SLC19A1: variants seen among roughly 807,000 people sequenced by gnomAD.
SLC19A1 encodes the protein solute carrier family 19 member 1, also known as reduced folate transporter.
A neutral mutation model predicts 35.3 loss-of-function variants in SLC19A1; 37 were observed. The observed-to-expected ratio is 1.05, with a 90% CI of 0.81 to 1.38. The LOEUF (loss-of-function observed/expected upper bound fraction) is 1.38. Among genes scored for constraint, SLC19A1 ranks in the 40% most tolerant of loss-of-function variants. SLC19A1 has a pLI of 0.00. For missense variants in SLC19A1, 831 were observed against 826.9 expected (o/e 1.00, Z -0.06); for synonymous variants, 460 against 398.5 (o/e 1.15, Z -1.84).
At chr21:45,552,496 A>C (rs1048876910) in intron 1 of SLC19A1, among the ~76,000 whole-genome samples, 1 of 152,100 alleles carries the variant, frequency 6.6e-6, no homozygotes, top group African/African-American at 2.4e-5. Context: ...CCAGGCCAGG[A>C]CCGCAGCCCT....
Position 45,537,908 on chromosome 21 carries a change from GC to G in SLC19A1, c.51del (p.Pro18LeufsTer186). 1 of 1,595,222 alleles carries G rather than the reference GC, an allele frequency of 6.3e-7. No homozygotes were observed. On this transcript the variant is annotated frameshift_variant, in exon 2 of 6. Coordinates refer to ENST00000311124, the MANE Select transcript of SLC19A1 (RefSeq NM_194255.4). LOFTEE classifies it high-confidence loss of function. ...AVEKQVPVEP[G>X]PDPELRSWRH... Reference sequence around the variant, plus strand: ...CGCCAGGACCGGAGCTCGGGGTCAGGCCCAGGTTCCACGGGCACCTGCTTCT... The same window carrying G: ...CGCCAGGACCGGAGCTCGGGGTCAGGCCAGGTTCCACGGGCACCTGCTTCT...
In SLC19A1 at chr21:45,534,696, C is replaced by T; in HGVS notation, c.190-2548G>A. 3 of 1,032,418 alleles carry T rather than the reference C, an allele frequency of 2.9e-6. No homozygotes were observed. The highest frequency in any genetic ancestry group is 2.8e-5 in the South Asian group (2 of 70,832). The allele number at this position is 1,032,418 out of a possible 1,614,324, so 64.0% of individuals were successfully genotyped here. A position where few individuals can be genotyped will look rare whatever the true frequency, so the allele number is the denominator to read the frequency against. The stretch of plus-strand genomic sequence containing the variant: ...CCCTCCCGCTCCTCTCCCTGCACCT[C>T]CTCAACGGCCCCTACTCCCTCTTCC... On this transcript the variant is annotated intron_variant, in intron 2 of 5. Coordinates refer to ENST00000311124, the MANE Select transcript of SLC19A1 (RefSeq NM_194255.4). This position sits in a 1 kb window ranked among gnomAD's most constrained non-coding sequence, Gnocchi z 4.2.
chr21:45,533,992 C>T lies in SLC19A1; in HGVS notation c.190-1844G>A, dbSNP rs1461670964. On this transcript the variant is annotated intron_variant, in intron 2 of 5. Transcript: ENST00000311124. This position sits in a 1 kb window ranked among gnomAD's most constrained non-coding sequence, Gnocchi z 4.5. ...ACCTCAGGGCACCCTGAGGTCGCAC[C>T]CTGGAGCCTGCACCCTCATGGAGGC... is the stretch of plus-strand genomic sequence containing the variant. 6.6e-6 allele frequency among the ~76,000 whole-genome samples: 1 copy of T among 152,004 alleles called. No homozygotes were observed. The highest frequency in any genetic ancestry group is 1.5e-5 in the Non-Finnish European group (1 of 67,976).
At chr21:45,505,385 C>T (rs1376035451) in intron 3 of SLC19A1, 1 of 1,566,916 alleles carries the variant, frequency 6.4e-7, no homozygotes, top group African/African-American at 1.4e-5. Context: ...CCTCCGGGCC[C>T]CCCTGGGCCC....
intron 1 of SLC19A1, 37 bp from the exon 2 acceptor site, chr21:45,538,045 T>C: frequency 8.1e-7 from 1 of 1,230,294 alleles, no homozygotes; most frequent in Non-Finnish European, 1.1e-6. Flanking sequence ...CCTTGGAAGA[T>C]GGTCTGCAGG....
chr21:45,547,867 CTT>C (rs1165191016), upstream of SLC19A1, among the ~76,000 whole-genome samples: 2 of 152,194 alleles, frequency 1.3e-5, no homozygotes, highest in Non-Finnish European at 2.9e-5. Context: ...TAGTTTGACT[CTT>C]TTCATTGACA....
At chr21:45,512,414 G>T, downstream of SLC19A1, 1 of 1,609,060 alleles carries the variant, frequency 6.2e-7, no homozygotes, top group Non-Finnish European at 8.5e-7. Flanking sequence ...GCCTGGATGC[G>T]GATGGCCGGA....
At chr21:45,506,765 C>G (rs1014459986) in intron 3 of SLC19A1, 70 of 29,984 alleles carry the variant, frequency 2.3e-3, no homozygotes, top group African/African-American at 0.012. Flanking sequence ...CACCTTCCCT[C>G]TGGAACCCTC....
intron 5 of SLC19A1, among the ~76,000 whole-genome samples, chr21:45,521,496 T>C (rs2077437103): frequency 6.6e-6 from 1 of 152,210 alleles, no homozygotes; most frequent in South Asian, 2.1e-4. Flanking sequence ...AGCAGGAATT[T>C]TTGTAGATAT....
At chr21:45,555,105 C>T (rs1164770899) in intron 1 of SLC19A1, among the ~76,000 whole-genome samples, 8 of 139,592 alleles carry the variant, frequency 5.7e-5, no homozygotes, top group African/African-American at 1.9e-4. Context: ...CGCCCGGAGC[C>T]TCCGCGGGTC....
At chr21:45,558,142 G>T (rs546369860) in intron 1 of SLC19A1, among the ~76,000 whole-genome samples, 1 of 152,238 alleles carries the variant, frequency 6.6e-6, no homozygotes, top group African/African-American at 2.4e-5. Context: ...GACTGGAGGC[G>T]GCTTCTGAAA....
chr21:45,511,113 C>A, downstream of SLC19A1: 1 of 1,541,370 alleles, frequency 6.5e-7, no homozygotes, highest in South Asian at 1.2e-5. Flanking sequence ...TCTTCCAGGA[C>A]GAGCTGCTGT....
downstream of SLC19A1, chr21:45,512,432 G>A (rs768204994): frequency 6.2e-5 from 99 of 1,596,338 alleles, no homozygotes; most frequent in Admixed American, 1.2e-4. Context: ...GGAGAGGACC[G>A]GCGGCTCGGA....
At chr21:45,561,650 A>G (rs1439105703) in intron 1 of SLC19A1, among the ~76,000 whole-genome samples, 1 of 152,086 alleles carries the variant, frequency 6.6e-6, no homozygotes, top group Non-Finnish European at 1.5e-5. Flanking sequence ...AGTCCCAGCT[A>G]TTTGGGAGTT....
chr21:45,534,518 G>A lies in SLC19A1; in HGVS notation c.190-2370C>T. ...GCTCTCTGGAAAAGGGCGGCCAGGG[G>A]TCCTAGAAGCCTCACCCACCTCCGA... On this transcript the variant is annotated intron_variant, in intron 2 of 5. Transcript: ENST00000311124. This position sits in a 1 kb window ranked among gnomAD's most constrained non-coding sequence, Gnocchi z 4.2. The A allele has an allele frequency of 6.6e-7, 1 of 1,525,578 alleles. No individual in the cohort carries two copies. The highest frequency in any genetic ancestry group is 8.8e-7 in the Non-Finnish European group (1 of 1,137,668). 94.5% of individuals were successfully genotyped at this position (1,525,578 alleles called of 1,614,324 possible). A position where few individuals can be genotyped will look rare whatever the true frequency, so the allele number is the denominator to read the frequency against.
chr21:45,509,418 G>A (rs753529450), downstream of SLC19A1: 44 of 1,538,228 alleles, frequency 2.9e-5, 1 homozygote, highest in South Asian at 1.3e-4. Flanking sequence ...ACCCCTACCC[G>A]CGGCGGGAGC....
chr21:45,503,398 G>A (rs956310737), intron 3 of SLC19A1, among the ~76,000 whole-genome samples: 2 of 151,926 alleles, frequency 1.3e-5, no homozygotes, highest in African/African-American at 4.8e-5. Flanking sequence ...CATGTCCTTT[G>A]CCCACTTTTT....
intron 1 of SLC19A1, among the ~76,000 whole-genome samples, chr21:45,552,435 G>T (rs1445397680): frequency 6.7e-6 from 1 of 150,158 alleles, no homozygotes; most frequent in East Asian, 2.0e-4. Context: ...GTTGGGTCGG[G>T]GGCCCCAGGG....
At chr21:45,546,782 C>T (rs1347298323), upstream of SLC19A1, among the ~76,000 whole-genome samples, 9 of 152,224 alleles carry the variant, frequency 5.9e-5, no homozygotes, top group Non-Finnish European at 1.5e-5. Context: ...TGATAACCCT[C>T]CTGCCCACAG....
Sources: allele counts gnomAD v4.1 joint callset (sites outside exome capture counted in the v4.1 genomes callset), GRCh38; gene constraint gnomAD v4.1.1; non-coding constraint Gnocchi (gnomAD v3.1); transcripts MANE v1.5; gene names NCBI Gene and HGNC (gene_info 2026-07-23, HGNC 2026-07-21).